Variants in CAPNS1 observed in about 807,000 individuals in gnomAD.
CAPNS1 encodes the protein calpain small subunit 1, also known as CANP small subunit.
Under a neutral mutation model 39.2 loss-of-function variants are expected in CAPNS1, and 32 were observed. The observed-to-expected ratio is 0.82, with a 90% CI of 0.62 to 1.10. The LOEUF is 1.10. Among genes scored for constraint, CAPNS1 ranks in the 50% least tolerant of loss-of-function variants. The pLI, the probability that CAPNS1 is intolerant of heterozygous loss-of-function variation, is 0.00. For synonymous variants in CAPNS1, 153 were observed against 136.2 expected (o/e 1.12, Z -0.86); for missense variants, 353 against 373.1 (o/e 0.95, Z 0.44).
At chr19:36,149,283 G>A (rs898650364) in intron 9 of CAPNS1, among the ~76,000 whole-genome samples, 2 of 151,966 alleles carry the variant, frequency 1.3e-5, no homozygotes, top group African/African-American at 4.8e-5. Flanking sequence ...GGTTGGTCTC[G>A]AACTCCTGGG....
At chr19:36,141,678 A>C in intron 2 of CAPNS1, 2 of 852,382 alleles carry the variant, frequency 2.3e-6, no homozygotes, top group Non-Finnish European at 2.8e-6. Context: ...AGCAAGACCT[A>C]ATGGGGTAGG....
chr19:36,141,704 T>C, intron 2 of CAPNS1: 1 of 656,046 alleles, frequency 1.5e-6, no homozygotes, highest in South Asian at 5.9e-5. Context: ...TGGCCCAGAA[T>C]GGGCTGGGCT....
At chr19:36,142,628 C>T (rs779823964) in intron 3 of CAPNS1, 24 bp from the exon 4 acceptor site, 4 of 1,607,510 alleles carry the variant, frequency 2.5e-6, no homozygotes, top group East Asian at 2.2e-5. Context: ...CCTCCCCCTG[C>T]TCTGAGCTCT....
chr19:36,146,903 T>C lies in CAPNS1; in HGVS notation c.721+591T>C, dbSNP rs767694716. ...TCTTGTTGCCCAGGCTGGAGTGCAG[T>C]GGCATGATCATGGCTGACTGCAGCC... On this transcript the variant is annotated intron_variant, in intron 9 of 10. Coordinates refer to ENST00000246533, the MANE Select transcript of CAPNS1 (RefSeq NM_001749.4). Among the ~76,000 whole-genome samples, 62 of 152,170 alleles carry C rather than the reference T, an allele frequency of 4.1e-4. 1 individual carries two copies. Among genetic ancestry groups the C allele is most frequent in the Non-Finnish European group, 7.1e-4 (48 of 68,018 alleles).
chr19:36,148,534 G>C (rs1974658619), intron 9 of CAPNS1, among the ~76,000 whole-genome samples: 1 of 149,672 alleles, frequency 6.7e-6, no homozygotes, highest in South Asian at 2.1e-4. Flanking sequence ...AAAAGGGCTG[G>C]GCATGGTGGC....
intron 9 of CAPNS1, among the ~76,000 whole-genome samples, chr19:36,147,409 C>T (rs539020682): frequency 3.3e-4 from 50 of 152,268 alleles, no homozygotes; most frequent in African/African-American, 1.2e-3. Context: ...CTACCAGAGA[C>T]ATTGGGGAGC....
chr19:36,147,634 C>T (rs370231951), intron 9 of CAPNS1, among the ~76,000 whole-genome samples: 3 of 152,042 alleles, frequency 2.0e-5, no homozygotes, highest in Non-Finnish European at 4.4e-5. Context: ...GGTGTGGTGG[C>T]GGGCGCCTGT....
At chr19:36,140,779 T>C in intron 1 of CAPNS1, 1 of 514,196 alleles carries the variant, frequency 1.9e-6, no homozygotes, top group Non-Finnish European at 3.3e-6. Context: ...CAGTCCAGGC[T>C]CCCTCAAGCC....
chr19:36,140,279 AC>A (rs1974310483), intron 1 of CAPNS1, 122 bp downstream of exon 1: 1 of 151,806 alleles, frequency 6.6e-6, no homozygotes, highest in Non-Finnish European at 1.5e-5. Flanking sequence ...TCAGATTCGA[AC>A]CCTCAGACCT....
At chr19:36,141,344 G>A (rs914057131) in intron 2 of CAPNS1, 124 bp downstream of exon 2, 19 of 1,377,094 alleles carry the variant, frequency 1.4e-5, no homozygotes, top group Non-Finnish European at 1.8e-5. Context: ...CTGGGTACAT[G>A]AATTAGGCCG....
At chr19:36,147,750 T>C (rs1463690343) in intron 9 of CAPNS1, among the ~76,000 whole-genome samples, 1 of 143,016 alleles carries the variant, frequency 7.0e-6, no homozygotes, top group Non-Finnish European at 1.5e-5. Context: ...GGGTGACAGA[T>C]CGAGACTCCG....
At chr19:36,148,982 C>G (rs1384232285) in intron 9 of CAPNS1, among the ~76,000 whole-genome samples, 3 of 152,142 alleles carry the variant, frequency 2.0e-5, no homozygotes, top group African/African-American at 7.2e-5. Context: ...ACCTGTAAGA[C>G]TCTAGGGGCA....
At chr19:36,144,952 GT>G (rs1339566958) in intron 6 of CAPNS1, among the ~76,000 whole-genome samples, 2 of 152,182 alleles carry the variant, frequency 1.3e-5, no homozygotes, top group Admixed American at 6.6e-5. Context: ...CTTGGGTAGA[GT>G]TTTCAGCTTT....
At chr19:36,143,829 C>T (rs543006200) in intron 6 of CAPNS1, among the ~76,000 whole-genome samples, 1 of 148,100 alleles carries the variant, frequency 6.8e-6, no homozygotes, top group Non-Finnish European at 1.5e-5. Context: ...CGCCACTGCA[C>T]TCCAGCCTGG....
At chr19:36,146,362 A>G (rs45574132) in intron 9 of CAPNS1, 50 bp downstream of exon 9, 7 of 1,200,492 alleles carry the variant, frequency 5.8e-6, no homozygotes, top group Non-Finnish European at 7.5e-6. Flanking sequence ...TATGACCTCT[A>G]TGGACCAAGG....
intron 9 of CAPNS1, chr19:36,148,054 G>A (rs1183749604): frequency 6.6e-6 from 1 of 151,376 alleles, no homozygotes; most frequent in Non-Finnish European, 1.5e-5. Context: ...CCTCCAACCT[G>A]GGTGACAAGA....
chr19:36,141,232 A>G lies in CAPNS1; in HGVS notation c.209+12A>G. Reference sequence around the variant, plus strand: ...ATCAGCGCCATCAGGTAAGGCGGAGACTATCAGAGGGGCGGGGCCTGGGAA... The same window carrying G: ...ATCAGCGCCATCAGGTAAGGCGGAGGCTATCAGAGGGGCGGGGCCTGGGAA... On this transcript the variant is annotated intron_variant, in intron 2 of 10. Transcript: ENST00000246533. The G allele has an allele frequency of 4.6e-6, 7 of 1,517,066 alleles. No homozygotes were observed. The highest frequency in any genetic ancestry group is 6.1e-6 in the Non-Finnish European group (7 of 1,138,836). The allele number at this position is 1,517,066 out of a possible 1,614,324, so 94.0% of individuals were successfully genotyped here.
intron 2 of CAPNS1, chr19:36,141,466 A>G: frequency 1.6e-6 from 2 of 1,284,980 alleles, no homozygotes; most frequent in East Asian, 6.6e-5. Context: ...TGGGACCAGG[A>G]CAATGTGGTC....
intron 2 of CAPNS1, chr19:36,141,579 C>G: frequency 1.8e-6 from 2 of 1,103,270 alleles, no homozygotes; most frequent in Non-Finnish European, 2.2e-6. Flanking sequence ...GGAGCCAATG[C>G]GTCTGAGTGA....
Sources: gnomAD v4.1 joint callset for allele counts (sites outside exome capture counted in the v4.1 genomes callset) on GRCh38, gnomAD v4.1.1 for gene constraint, MANE v1.5 for transcripts, NCBI Gene and HGNC (gene_info 2026-07-23, HGNC 2026-07-21) for gene names.